FAM185A: variants seen among roughly 807,000 people sequenced by gnomAD.
The protein encoded by FAM185A is protein FAM185A.
FAM185A carries 21 observed loss-of-function variants against 45.7 expected under a neutral mutation model. That is an observed-to-expected ratio of 0.46 (90% CI 0.33 to 0.66). The LOEUF (loss-of-function observed/expected upper bound fraction) is 0.66, where lower values mean the gene tolerates loss of function less well. Ranked by LOEUF, FAM185A falls within the 30% of genes least tolerant of loss-of-function variation. FAM185A has a pLI of 0.03. For missense variants in FAM185A, 305 were observed against 485.4 expected (o/e 0.63, Z 3.49); for synonymous variants, 117 against 194.0 (o/e 0.60, Z 3.30).
At chr7:102,758,388 A>T (rs575226039) in intron 3 of FAM185A, among the ~76,000 whole-genome samples, 1 of 138,080 alleles carries the variant, frequency 7.2e-6, no homozygotes, top group East Asian at 2.3e-4. Context: ...AGTATTTTCC[A>T]CAAGGTGGCA....
chr7:102,826,833 A>G, the FAM185A span, among the ~76,000 whole-genome samples: 1 of 142,736 alleles, frequency 7.0e-6, no homozygotes, highest in East Asian at 2.0e-4. Context: ...TATAATAAAT[A>G]TATCTAATAT....
intron 6 of FAM185A, among the ~76,000 whole-genome samples, chr7:102,785,128 T>C (rs1795696729): frequency 6.6e-6 from 1 of 152,050 alleles, no homozygotes; most frequent in Non-Finnish European, 1.5e-5. Flanking sequence ...ACAAGGGACG[T>C]GAAGGACCTT....
chr7:102,787,943 T>A (rs1795915467), intron 7 of FAM185A, among the ~76,000 whole-genome samples: 1 of 152,130 alleles, frequency 6.6e-6, no homozygotes, highest in Admixed American at 6.6e-5. Flanking sequence ...GCTGATACTA[T>A]TTTTTTAAGG....
At chr7:102,799,175 G>A (rs2908412) in intron 7 of FAM185A, among the ~76,000 whole-genome samples, 4 of 151,794 alleles carry the variant, frequency 2.6e-5, no homozygotes, top group African/African-American at 4.8e-5. Context: ...TTAAATAAGC[G>A]GAACCCCTTA....
At chr7:102,809,570 C>G (rs1338365079), downstream of FAM185A, among the ~76,000 whole-genome samples, 9 of 152,034 alleles carry the variant, frequency 5.9e-5, no homozygotes, top group Non-Finnish European at 1.3e-4. Context: ...GGTATGGTGG[C>G]TCATCCCTGT....
chr7:102,786,298 A>C (rs1322322786), intron 6 of FAM185A, among the ~76,000 whole-genome samples: 1 of 152,248 alleles, frequency 6.6e-6, no homozygotes, highest in Non-Finnish European at 1.5e-5. Flanking sequence ...CTTGAACTAG[A>C]AATACCATTT....
chr7:102,778,385 G>C (rs1363674248), intron 6 of FAM185A, among the ~76,000 whole-genome samples: 1 of 152,292 alleles, frequency 6.6e-6, no homozygotes, highest in Non-Finnish European at 1.5e-5. Context: ...TAAATGGCAT[G>C]TAAGTCATAT....
At chr7:102,822,860 C>A in the FAM185A span, among the ~76,000 whole-genome samples, 1 of 152,174 alleles carries the variant, frequency 6.6e-6, no homozygotes, top group Non-Finnish European at 1.5e-5. Context: ...ATTGCTTGAA[C>A]CCAGTTCGAG....
intron 7 of FAM185A, among the ~76,000 whole-genome samples, chr7:102,793,976 AT>A (rs1796292727): frequency 7.2e-6 from 1 of 138,116 alleles, no homozygotes; most frequent in Admixed American, 7.7e-5. Flanking sequence ...GGAGGCAGAG[AT>A]TGCAGTGAGC....
the FAM185A span, among the ~76,000 whole-genome samples, chr7:102,833,436 C>CT: frequency 0.067 from 8,953 of 134,578 alleles, 372 homozygotes; most frequent in African/African-American, 0.11. Flanking sequence ...AGCCTGTTTC[C>CT]TTTTTTTTTT....
At chr7:102,842,103 GC>G in the FAM185A span, among the ~76,000 whole-genome samples, 1 of 152,150 alleles carries the variant, frequency 6.6e-6, no homozygotes, top group African/African-American at 2.4e-5. Context: ...GAGAGACTTT[GC>G]CAAGCAATAT....
chr7:102,843,877 A>T, the FAM185A span, among the ~76,000 whole-genome samples: 2 of 152,230 alleles, frequency 1.3e-5, no homozygotes, highest in Admixed American at 1.3e-4. Flanking sequence ...GGACAATGAG[A>T]GAAGTGGAGG....
chr7:102,782,294 A>C (rs1310118955), intron 6 of FAM185A, among the ~76,000 whole-genome samples: 2 of 152,226 alleles, frequency 1.3e-5, no homozygotes, highest in African/African-American at 4.8e-5. Flanking sequence ...GAGGAAATAC[A>C]GAGAATGCCA....
At chr7:102,806,998 C>T (rs1797156033) in intron 7 of FAM185A, among the ~76,000 whole-genome samples, 1 of 152,124 alleles carries the variant, frequency 6.6e-6, no homozygotes, top group African/African-American at 2.4e-5. Context: ...AATGAGCAGG[C>T]ATTGAGGAAA....
chr7:102,781,384 G>T (rs901652332), intron 6 of FAM185A, among the ~76,000 whole-genome samples: 2 of 152,180 alleles, frequency 1.3e-5, no homozygotes, highest in Non-Finnish European at 2.9e-5. Flanking sequence ...CCTGACCCCC[G>T]AGTAGCCTAA....
downstream of FAM185A, among the ~76,000 whole-genome samples, chr7:102,809,538 A>C (rs1340884197): frequency 6.6e-6 from 1 of 151,928 alleles, no homozygotes; most frequent in African/African-American, 2.4e-5. Flanking sequence ...TACAAGAAAT[A>C]CAAAAAAAAG....
chr7:102,821,789 A>C, the FAM185A span, among the ~76,000 whole-genome samples: 1 of 152,224 alleles, frequency 6.6e-6, no homozygotes, highest in Non-Finnish European at 1.5e-5. Flanking sequence ...AGCTAGAGTT[A>C]AAGCTTTGGA....
intron 5 of FAM185A, among the ~76,000 whole-genome samples, chr7:102,775,996 T>A (rs954204375): frequency 6.6e-6 from 1 of 152,128 alleles, no homozygotes; most frequent in African/African-American, 2.4e-5. Context: ...AAATAAATTA[T>A]TATAAATGAT....
At chr7:102,819,533 AT>A in the FAM185A span, among the ~76,000 whole-genome samples, 6 of 152,180 alleles carry the variant, frequency 3.9e-5, no homozygotes, top group Admixed American at 6.5e-5. Flanking sequence ...TTCAGATTCC[AT>A]TGAGTATGAG....
Sources: allele counts gnomAD v4.1 joint callset (sites outside exome capture counted in the v4.1 genomes callset), GRCh38; gene constraint gnomAD v4.1.1; transcripts MANE v1.5; gene names NCBI Gene and HGNC (gene_info 2026-07-23, HGNC 2026-07-21).